The following TBC1D12 variants were observed in gnomAD, a reference collection of about 807,000 sequenced individuals.
The protein encoded by TBC1D12 is TBC1 domain family member 12.
TBC1D12 carries 56 observed loss-of-function variants against 86.7 expected under a neutral mutation model. The observed-to-expected ratio is 0.65, with a 90% confidence interval of 0.52 to 0.81. The LOEUF is 0.81. Among genes scored for constraint, TBC1D12 ranks in the 30% least tolerant of loss-of-function variants. The probability of loss-of-function intolerance (pLI) is 0.00; values close to 1 mark genes in which losing one functional copy is unlikely to be tolerated. For synonymous variants in TBC1D12, 421 were observed against 411.7 expected, an observed-to-expected ratio of 1.02 and a Z score of -0.27; for missense variants, 1,023 against 1,038.8, an observed-to-expected ratio of 0.98 and a Z score of 0.21.
At chr10:94,513,431 C>T (rs1308077879) in intron 9 of TBC1D12, among the ~76,000 whole-genome samples, 2 of 152,024 alleles carry the variant, frequency 1.3e-5, no homozygotes, top group Non-Finnish European at 2.9e-5. Context: ...AAAAAAAAGT[C>T]TGTAGTGGAG....
intron 6 of TBC1D12, among the ~76,000 whole-genome samples, chr10:94,503,109 C>T (rs544131792): frequency 2.6e-5 from 4 of 152,274 alleles, no homozygotes; most frequent in African/African-American, 7.2e-5. Context: ...CATGTTAGTA[C>T]ATACAAGTCT....
rs540382128 is a variant in TBC1D12, at chr10:94,529,585, TCCAG to T, written c.2001-1614_2001-1611del. Among the ~76,000 whole-genome samples the T allele has an allele frequency of 1.8e-3, 272 of 152,124 alleles. 3 individuals are homozygous for T. The highest frequency in any genetic ancestry group is 6.2e-3 in the African/African-American group (259 of 41,492). ...GTGAGGTGAGATTTTGCCATTGCACTCCAGCCTGAGCAACAAGAGCAAAACTCCA... is the reference window on the plus strand; with the variant it reads ...GTGAGGTGAGATTTTGCCATTGCACTCCTGAGCAACAAGAGCAAAACTCCA... On this transcript the variant is annotated intron_variant, in intron 11 of 12. Coordinates refer to ENST00000225235, the MANE Select transcript of TBC1D12 (RefSeq NM_015188.2).
chr10:94,421,929 A>G (rs2134063325), intron 1 of TBC1D12, among the ~76,000 whole-genome samples: 1 of 152,180 alleles, frequency 6.6e-6, no homozygotes, highest in South Asian at 2.1e-4. Flanking sequence ...TGGATTCTAG[A>G]CCCTTATCAG....
At chr10:94,463,658 A>G (rs1227722444) in intron 2 of TBC1D12, among the ~76,000 whole-genome samples, 1 of 152,192 alleles carries the variant, frequency 6.6e-6, no homozygotes, top group Non-Finnish European at 1.5e-5. Context: ...CAGACAATAT[A>G]TGTTATGCAA....
intron 5 of TBC1D12, among the ~76,000 whole-genome samples, chr10:94,498,637 G>GT (rs1305097389): frequency 3.3e-5 from 5 of 152,224 alleles, no homozygotes; most frequent in African/African-American, 1.2e-4. Flanking sequence ...TGTATATTTA[G>GT]TAGAAACAGG....
At chr10:94,433,274 A>G (rs995436411) in intron 1 of TBC1D12, among the ~76,000 whole-genome samples, 2 of 152,062 alleles carry the variant, frequency 1.3e-5, no homozygotes, top group African/African-American at 4.8e-5. Flanking sequence ...GCGTGCCACC[A>G]CACCAGGCTA....
chr10:94,410,704 T>C (rs1261273188), intron 1 of TBC1D12, among the ~76,000 whole-genome samples: 1 of 152,224 alleles, frequency 6.6e-6, no homozygotes, highest in Non-Finnish European at 1.5e-5. Flanking sequence ...AATACACTGA[T>C]TTCTATGAAT....
intron 6 of TBC1D12, among the ~76,000 whole-genome samples, chr10:94,505,216 A>G (rs540608236): frequency 6.6e-6 from 1 of 152,298 alleles, no homozygotes; most frequent in East Asian, 1.9e-4. Context: ...ACCCCCAAAT[A>G]ATTATATGTA....
At chr10:94,469,615 A>G (rs915901552) in intron 2 of TBC1D12, among the ~76,000 whole-genome samples, 5 of 151,616 alleles carry the variant, frequency 3.3e-5, no homozygotes, top group African/African-American at 1.2e-4. Context: ...ATGCCCAGCT[A>G]ATTTTTGTAT....
intron 11 of TBC1D12, 79 bp from the exon 12 acceptor site, chr10:94,531,123 T>G: frequency 6.7e-7 from 1 of 1,485,304 alleles, no homozygotes; most frequent in Non-Finnish European, 9.1e-7. Flanking sequence ...AACACTGTTC[T>G]TTTTTTATAG....
Position 94,427,637 on chromosome 10 carries a change from G to A in TBC1D12, c.972-14259G>A, listed in dbSNP as rs552753343. ...ACTTAAGGCCAGGAGTTTGAGACTA[G>A]CCTGGCCAACATGGCGAAACCCTGT... On this transcript the variant is annotated intron_variant, in intron 1 of 12. Coordinates refer to ENST00000225235, the MANE Select transcript of TBC1D12 (RefSeq NM_015188.2). 4.6e-5 allele frequency among the ~76,000 whole-genome samples: 7 copies of A among 152,168 alleles called. No homozygotes were observed. The South Asian group carries it at 1.5e-3, about 32-fold the overall frequency.
intron 9 of TBC1D12, among the ~76,000 whole-genome samples, chr10:94,517,930 A>C: frequency 6.6e-6 from 1 of 152,144 alleles, no homozygotes; most frequent in Non-Finnish European, 1.5e-5. Context: ...AGGCAGGTGG[A>C]TCACCTGAGG....
In TBC1D12 at chr10:94,402,574, T is replaced by C. The variant is rs772894361; in HGVS notation, c.-40T>C. 3.7e-6 allele frequency: 6 copies of C among 1,605,630 alleles called. No individual in the cohort carries two copies. The highest frequency in any genetic ancestry group is 5.1e-6 in the Non-Finnish European group (6 of 1,176,258). On this transcript the variant is annotated 5_prime_UTR_variant, in exon 1 of 13. Transcript: ENST00000225235. ...TCTCTGGCCAAGCCTGCGCCTGTAG[T>C]CCTTCTTTGCCTCCTGGGGCGGCCG...
intron 2 of TBC1D12, among the ~76,000 whole-genome samples, chr10:94,453,202 T>C (rs1453903159): frequency 6.6e-6 from 1 of 152,186 alleles, no homozygotes; most frequent in Non-Finnish European, 1.5e-5. Flanking sequence ...CTTTGGCAAA[T>C]ACCTTCTTTC....
At chr10:94,531,156 T>A in intron 11 of TBC1D12, 46 bp from the exon 12 acceptor site, 1 of 1,581,076 alleles carries the variant, frequency 6.3e-7, no homozygotes, top group Non-Finnish European at 8.6e-7. Flanking sequence ...AGTAAATGAG[T>A]CAATGAATGA....
intron 6 of TBC1D12, among the ~76,000 whole-genome samples, chr10:94,504,535 A>T (rs1362842166): frequency 6.6e-6 from 1 of 152,150 alleles, no homozygotes; most frequent in East Asian, 1.9e-4. Flanking sequence ...TTACTTTTGA[A>T]TGGCTTTAGT....
Position 94,462,035 on chromosome 10 carries a change from C to T in TBC1D12, c.1096-12633C>T, listed in dbSNP as rs11187964. Among the ~76,000 whole-genome samples the T allele has an allele frequency of 2.2e-4, 33 of 152,208 alleles. 1 individual carries two copies. In the East Asian group the frequency reaches 5.2e-3, roughly 24 times the overall value. On this transcript the variant is annotated intron_variant, in intron 2 of 12. Coordinates refer to ENST00000225235, the MANE Select transcript of TBC1D12 (RefSeq NM_015188.2). Reference sequence around the variant, plus strand: ...CTGTGTACAGGCTGGAGTGGAAATCCAGAAGTCAGTTTGCTAATACTATGT... The same window carrying T: ...CTGTGTACAGGCTGGAGTGGAAATCTAGAAGTCAGTTTGCTAATACTATGT...
intron 11 of TBC1D12, among the ~76,000 whole-genome samples, chr10:94,530,141 C>G (rs977058150): frequency 4.6e-5 from 7 of 152,104 alleles, no homozygotes; most frequent in African/African-American, 1.7e-4. Flanking sequence ...TCAGCACTAC[C>G]TCAAATAAAC....
intron 11 of TBC1D12, among the ~76,000 whole-genome samples, chr10:94,530,484 CT>C (rs1202126698): frequency 1.3e-5 from 2 of 152,148 alleles, no homozygotes; most frequent in Non-Finnish European, 2.9e-5. Context: ...TATTTGAGTT[CT>C]TCATACAATA....
Sources: gnomAD v4.1 joint callset for allele counts (sites outside exome capture counted in the v4.1 genomes callset) on GRCh38, gnomAD v4.1.1 for gene constraint, MANE v1.5 for transcripts, NCBI Gene and HGNC (gene_info 2026-07-23, HGNC 2026-07-21) for gene names.